The following EXOC4 variants were observed in gnomAD, a reference collection of about 807,000 sequenced individuals.
The protein encoded by EXOC4 is SEC8-like 1.
EXOC4 carries 71 observed loss-of-function variants against 107.2 expected under a neutral mutation model. The observed-to-expected ratio is 0.66, with a 90% CI of 0.55 to 0.81. The LOEUF is 0.81. Among genes scored for constraint, EXOC4 ranks in the 30% least tolerant of loss-of-function variants. EXOC4 has a pLI of 0.00. For synonymous variants in EXOC4, 456 were observed against 441.2 expected (o/e 1.03, Z -0.42); for missense variants, 1,108 against 1,189.6 (o/e 0.93, Z 1.01).
intron 7 of EXOC4, among the ~76,000 whole-genome samples, chr7:133,461,998 A>C (rs1399373535): frequency 6.6e-6 from 1 of 152,184 alleles, no homozygotes; most frequent in Non-Finnish European, 1.5e-5. Flanking sequence ...CCCAGAAGAC[A>C]GGCATCATGG....
At chr7:133,613,586 G>A (rs1361237347) in intron 9 of EXOC4, among the ~76,000 whole-genome samples, 1 of 151,812 alleles carries the variant, frequency 6.6e-6, no homozygotes, top group Non-Finnish European at 1.5e-5. Flanking sequence ...CAAGAAGCAG[G>A]GGAAAGTCAT....
chr7:133,574,782 C>G (rs1426339948), intron 9 of EXOC4, among the ~76,000 whole-genome samples: 1 of 152,140 alleles, frequency 6.6e-6, no homozygotes, highest in African/African-American at 2.4e-5. Flanking sequence ...TAACTTTGTC[C>G]GTTGCACCCA....
intron 9 of EXOC4, among the ~76,000 whole-genome samples, chr7:133,519,678 A>G (rs1449240529): frequency 3.3e-5 from 5 of 152,212 alleles, no homozygotes; most frequent in African/African-American, 1.2e-4. Context: ...GAAGTTGAGT[A>G]CAACCTAATT....
intron 9 of EXOC4, among the ~76,000 whole-genome samples, chr7:133,511,008 T>A (rs1302087800): frequency 2.0e-5 from 3 of 149,638 alleles, no homozygotes; most frequent in Non-Finnish European, 3.0e-5. Flanking sequence ...ATCTGCATCA[T>A]TTTTTTTTTC....
chr7:133,641,792 C>T (rs1167504469), intron 10 of EXOC4, among the ~76,000 whole-genome samples: 3 of 152,152 alleles, frequency 2.0e-5, no homozygotes, highest in African/African-American at 7.2e-5. Flanking sequence ...GAAAATTGTA[C>T]AAAAATAGGC....
intron 11 of EXOC4, among the ~76,000 whole-genome samples, chr7:133,833,361 AT>A (rs1471162884): frequency 6.6e-6 from 1 of 152,126 alleles, no homozygotes; most frequent in Non-Finnish European, 1.5e-5. Context: ...GCAACAAGTC[AT>A]TTTTTTCTGG....
chr7:133,646,466 T>A (rs1802995201), intron 10 of EXOC4, among the ~76,000 whole-genome samples: 1 of 152,108 alleles, frequency 6.6e-6, no homozygotes, highest in Non-Finnish European at 1.5e-5. Flanking sequence ...TCTCTGAAAA[T>A]GAAAGTGTAA....
At chr7:133,640,221 C>G (rs1437005202) in intron 10 of EXOC4, among the ~76,000 whole-genome samples, 1 of 152,022 alleles carries the variant, frequency 6.6e-6, no homozygotes, top group East Asian at 1.9e-4. Context: ...TGAGAGATAA[C>G]CATTATTGTG....
At chr7:133,889,047 T>C (rs971476502) in intron 11 of EXOC4, among the ~76,000 whole-genome samples, 3 of 152,248 alleles carry the variant, frequency 2.0e-5, no homozygotes, top group African/African-American at 7.2e-5. Flanking sequence ...CTACAAGCTG[T>C]AAAACACAAT....
intron 6 of EXOC4, among the ~76,000 whole-genome samples, chr7:133,366,860 A>G (rs1386632450): frequency 6.6e-6 from 1 of 152,164 alleles, no homozygotes; most frequent in Non-Finnish European, 1.5e-5. Flanking sequence ...GACTGGAGGG[A>G]AGGAGAGACT....
chr7:133,522,329 C>A (rs1306302275), intron 9 of EXOC4, among the ~76,000 whole-genome samples: 1 of 152,046 alleles, frequency 6.6e-6, no homozygotes, highest in Non-Finnish European at 1.5e-5. Context: ...TAATGAATTT[C>A]AGGAAATACA....
At chr7:133,336,695 T>A (rs13310754) in intron 5 of EXOC4, among the ~76,000 whole-genome samples, 1 of 106,164 alleles carries the variant, frequency 9.4e-6, no homozygotes, top group African/African-American at 3.2e-5. Context: ...ATTTTATTTA[T>A]TTTATTTTAT....
chr7:133,707,773 G>A (rs6947056), intron 10 of EXOC4, among the ~76,000 whole-genome samples: 149,191 of 152,092 alleles, frequency 0.98, 73,266 homozygotes, highest in Middle Eastern at 1. Context: ...ACGCCACCAC[G>A]CCTGGCTAAT....
At chr7:133,518,049 T>G (rs1799912769) in intron 9 of EXOC4, among the ~76,000 whole-genome samples, 1 of 151,932 alleles carries the variant, frequency 6.6e-6, no homozygotes, top group African/African-American at 2.4e-5. Context: ...GGCTGAGGTC[T>G]TCTTCTCTGC....
intron 17 of EXOC4, among the ~76,000 whole-genome samples, chr7:134,021,217 G>A (rs915031685): frequency 2.9e-4 from 44 of 152,158 alleles, no homozygotes; most frequent in Non-Finnish European, 8.8e-5. Flanking sequence ...GAGATATGCA[G>A]TATATAACAG....
At position 133,335,731 on chromosome 7, in the gene EXOC4, T is replaced by C. The variant is rs1396561736; in HGVS notation, c.763+18341T>C. ...AAATTGCCAGATCATATGGTAATTC[T>C]ATATTTAATTTTCTGGGGATCTGCC... On this transcript the variant is annotated intron_variant, in intron 5 of 17. Coordinates refer to ENST00000253861, the MANE Select transcript of EXOC4 (RefSeq NM_021807.4). Among the ~76,000 whole-genome samples, 6 of 152,234 alleles carry C rather than the reference T, an allele frequency of 3.9e-5. No individual in the cohort carries two copies. In the East Asian group the frequency reaches 9.6e-4, roughly 24 times the overall value.
chr7:133,438,139 C>A (rs1199170662), intron 7 of EXOC4, among the ~76,000 whole-genome samples: 1 of 152,126 alleles, frequency 6.6e-6, no homozygotes, highest in Non-Finnish European at 1.5e-5. Flanking sequence ...TTTGAAGAGT[C>A]ATTTGTGAAA....
intron 17 of EXOC4, among the ~76,000 whole-genome samples, chr7:134,015,386 G>C (rs1794879593): frequency 6.6e-6 from 1 of 152,218 alleles, no homozygotes; most frequent in Non-Finnish European, 1.5e-5. Flanking sequence ...CTGGTATGTA[G>C]TAGACATTCA....
chr7:133,912,532 A>G (rs1267719239), intron 12 of EXOC4, among the ~76,000 whole-genome samples: 1 of 152,216 alleles, frequency 6.6e-6, no homozygotes, highest in Admixed American at 6.5e-5. Context: ...CAGCTCATCA[A>G]AGTTGTTTAG....
Sources: allele counts gnomAD v4.1 joint callset (sites outside exome capture counted in the v4.1 genomes callset), GRCh38; gene constraint gnomAD v4.1.1; transcripts MANE v1.5; gene names NCBI Gene and HGNC (gene_info 2026-07-23, HGNC 2026-07-21).